Variants in HSP90AA1 observed in about 807,000 individuals in gnomAD.
The protein encoded by HSP90AA1 is heat shock protein HSP 90-alpha.
Under a neutral mutation model 73.3 loss-of-function variants are expected in HSP90AA1, and 18 were observed. The observed-to-expected ratio is 0.25, with a 90% CI of 0.17 to 0.36. The LOEUF is 0.36. Among genes scored for constraint, HSP90AA1 ranks in the 10% least tolerant of loss-of-function variants. HSP90AA1 has a pLI of 1.00. For missense variants in HSP90AA1, 704 were observed against 874.2 expected (o/e 0.81, Z 2.45); for synonymous variants, 477 against 296.9 (o/e 1.61, Z -6.24).
In HSP90AA1 at chr14:102,081,325, A is replaced by G. The variant is rs1786194013; in HGVS notation, c.*387T>C. The G allele has an allele frequency of 3.1e-6, 1 of 324,164 alleles. No homozygotes were observed. The highest frequency in any genetic ancestry group is 4.8e-5 in the South Asian group (1 of 20,620). The allele number at this position is 324,164 out of a possible 1,614,324, so 20.1% of individuals were successfully genotyped here. A position where few individuals can be genotyped will look rare whatever the true frequency, so the allele number is the denominator to read the frequency against. On this transcript the variant is annotated 3_prime_UTR_variant, in exon 11 of 11. Transcript: ENST00000216281. ...ATGAAAAGTTCAAAAAGTAGATCCT[A>G]CAAGATGTAACGAATACTTTTCTAA...
At chr14:102,131,120 T>C (rs930174790) in intron 1 of HSP90AA1, among the ~76,000 whole-genome samples, 2 of 152,246 alleles carry the variant, frequency 1.3e-5, no homozygotes, top group African/African-American at 4.8e-5. Context: ...CTTCTGGACA[T>C]TCCCTGTGAA....
intron 1 of HSP90AA1, among the ~76,000 whole-genome samples, chr14:102,103,206 C>A (rs994557011): frequency 2.0e-4 from 24 of 120,986 alleles, no homozygotes; most frequent in Admixed American, 3.4e-4. Flanking sequence ...AAAAAAAAAG[C>A]AGAAGTGGGA....
chr14:102,138,269 G>C (rs2050078628), intron 1 of HSP90AA1, among the ~76,000 whole-genome samples: 1 of 151,902 alleles, frequency 6.6e-6, no homozygotes. Context: ...AGGAAACACA[G>C]ATAAATTATT....
Position 102,085,749 on chromosome 14 carries a change from G to A in HSP90AA1, c.529+9C>T, listed in dbSNP as rs893036883. The A allele has an allele frequency of 1.2e-6, 2 of 1,613,972 alleles. No individual in the cohort carries two copies. The highest frequency in any genetic ancestry group is 1.7e-5 in the Admixed American group (1 of 60,012). On this transcript the variant is annotated intron_variant, in intron 3 of 10. Coordinates refer to ENST00000216281, the MANE Select transcript of HSP90AA1 (RefSeq NM_005348.4). ...CGCTCACTTAACCAGTGAATGTTCA[G>A]GTGCCTACCTGTGTCTGTCCTCACT...
At chr14:102,118,623 C>G (rs2049737644) in intron 1 of HSP90AA1, among the ~76,000 whole-genome samples, 1 of 152,078 alleles carries the variant, frequency 6.6e-6, no homozygotes, top group African/African-American at 2.4e-5. Context: ...ATTGAACATT[C>G]ATCTTTTACC....
At chr14:102,098,444 G>A (rs1054647033) in intron 2 of HSP90AA1, among the ~76,000 whole-genome samples, 1 of 137,216 alleles carries the variant, frequency 7.3e-6, no homozygotes, top group African/African-American at 2.7e-5. Flanking sequence ...ACAGGCTTAA[G>A]CCACTGCACC....
At chr14:102,110,400 AG>A (rs2049623956) in intron 1 of HSP90AA1, among the ~76,000 whole-genome samples, 1 of 113,384 alleles carries the variant, frequency 8.8e-6, no homozygotes, top group South Asian at 3.2e-4. Context: ...AAAGGCATTC[AG>A]TTTTGTTTGT....
At chr14:102,086,834 G>A (rs1225204127) in intron 1 of HSP90AA1, among the ~76,000 whole-genome samples, 152 bp downstream of exon 1, 2 of 151,726 alleles carry the variant, frequency 1.3e-5, no homozygotes, top group East Asian at 1.9e-4. Flanking sequence ...CAGCGGTCCC[G>A]AGGCCTCCGG....
Position 102,083,601 on chromosome 14 carries a change from G to T in HSP90AA1, c.1431C>A (p.Leu477=). The T allele has an allele frequency of 6.2e-7, 1 of 1,613,616 alleles. No homozygotes were observed. Among genetic ancestry groups the T allele is most frequent in the Non-Finnish European group, 8.5e-7 (1 of 1,179,670 alleles). ...CCTTCATTCTGGTGCAGTAGTCCTT[G>T]AGAGAAACCATCTCATCACCAGAGG... ...TSASGDEMVS[L]KDYCTRMKEN... Residue 477 remains leucine (L), a synonymous_variant, in exon 8 of 11, where the codon CTC becomes CTA. Coordinates refer to ENST00000216281, the MANE Select transcript of HSP90AA1 (RefSeq NM_005348.4).
chr14:102,107,675 G>A (rs1438886675), intron 1 of HSP90AA1, among the ~76,000 whole-genome samples: 1 of 151,996 alleles, frequency 6.6e-6, no homozygotes, highest in Non-Finnish European at 1.5e-5. Context: ...GGATATGTAG[G>A]GGATATGGCA....
chr14:102,085,577 T>G, intron 3 of HSP90AA1, 146 bp from the exon 4 acceptor site: 1 of 1,178,320 alleles, frequency 8.5e-7, no homozygotes, highest in South Asian at 1.3e-5. Flanking sequence ...TTGGGCAAGG[T>G]GCCTCGCCCA....
At chr14:102,122,980 T>C (rs924972692) in intron 1 of HSP90AA1, among the ~76,000 whole-genome samples, 18 of 152,190 alleles carry the variant, frequency 1.2e-4, no homozygotes, top group African/African-American at 3.9e-4. Flanking sequence ...TACTCTTCTT[T>C]TTCATAGTGA....
Position 102,127,754 on chromosome 14 carries a change from C to T in HSP90AA1, c.155+11496G>A, listed in dbSNP as rs539686995. Among the ~76,000 whole-genome samples the T allele has an allele frequency of 9.2e-5, 14 of 152,188 alleles. No individual in the cohort carries two copies. The South Asian group carries it at 2.5e-3, about 27-fold the overall frequency. On this transcript the variant is annotated intron_variant, in intron 1 of 11. Transcript: ENST00000334701. ...GCAGCCTCAACTTTCTGGGCTCAAGCGATCCTCCCAACTCAGCCTCCCGAG... is the reference window on the plus strand; with the variant it reads ...GCAGCCTCAACTTTCTGGGCTCAAGTGATCCTCCCAACTCAGCCTCCCGAG...
chr14:102,085,236 T>C (rs2049197450), intron 4 of HSP90AA1, 62 bp downstream of exon 4: 1 of 1,540,446 alleles, frequency 6.5e-7, no homozygotes. Flanking sequence ...ACTAAGGATG[T>C]AGTACAGTCA....
At chr14:102,114,780 G>A (rs1162408503) in intron 1 of HSP90AA1, among the ~76,000 whole-genome samples, 2 of 152,022 alleles carry the variant, frequency 1.3e-5, no homozygotes, top group East Asian at 1.9e-4. Flanking sequence ...CGGGCAGATC[G>A]CCTGAGGTCA....
chr14:102,085,473 T>C (rs372643276), intron 3 of HSP90AA1, 42 bp from the exon 4 acceptor site: 17 of 1,558,026 alleles, frequency 1.1e-5, no homozygotes, highest in Non-Finnish European at 1.4e-5. Flanking sequence ...ACATTCAATT[T>C]AGTGCTCAAC....
rs1595683189 is a variant in HSP90AA1, at chr14:102,133,942, G to A, written c.155+5308C>T. ...GAGGTGGGTTGATTGCTTGAGCCCA[G>A]GAGTTTGGGACCTGCCTGGCCAACA... On this transcript the variant is annotated intron_variant, in intron 1 of 11. Coordinates refer to the HSP90AA1 transcript ENST00000334701. Among the ~76,000 whole-genome samples, 4 of 152,024 alleles carry A rather than the reference G, an allele frequency of 2.6e-5. No individual in the cohort carries two copies. The South Asian group carries it at 6.2e-4, about 24-fold the overall frequency.
intron 1 of HSP90AA1, among the ~76,000 whole-genome samples, chr14:102,134,445 C>A (rs1040023208): frequency 6.6e-6 from 1 of 151,490 alleles, no homozygotes; most frequent in Non-Finnish European, 1.5e-5. Flanking sequence ...TTGGTGGGTT[C>A]TTGGTCTCAC....
chr14:102,086,932 C>T (rs1289303269), intron 1 of HSP90AA1, 54 bp downstream of exon 1: 6 of 938,250 alleles, frequency 6.4e-6, no homozygotes, highest in Non-Finnish European at 7.6e-6. Context: ...GCGCCAGCCG[C>T]CCCCAGTCCC....
Sources: gnomAD v4.1 joint callset for allele counts (sites outside exome capture counted in the v4.1 genomes callset) on GRCh38, gnomAD v4.1.1 for gene constraint, MANE v1.5 for transcripts, NCBI Gene and HGNC (gene_info 2026-07-23, HGNC 2026-07-21) for gene names.